PTPRT: variants seen among roughly 807,000 people sequenced by gnomAD.
PTPRT encodes receptor-type tyrosine-protein phosphatase T.
A neutral mutation model predicts 176.8 loss-of-function variants in PTPRT; 56 were observed. That is an observed-to-expected ratio of 0.32 (90% confidence interval 0.26 to 0.40). The LOEUF is 0.40. Among genes scored for constraint, PTPRT ranks in the 10% least tolerant of loss-of-function variants. PTPRT has a pLI of 1.00. For missense variants in PTPRT, 1,540 were observed against 1,908.2 expected, an observed-to-expected ratio of 0.81 and a Z score of 3.60; for synonymous variants, 783 against 739.0, an observed-to-expected ratio of 1.06 and a Z score of -0.96.
At chr20:42,350,258 T>C (rs560499390) in intron 11 of PTPRT, among the ~76,000 whole-genome samples, 110 of 137,188 alleles carry the variant, frequency 8.0e-4, no homozygotes, top group Non-Finnish European at 1.5e-3. Context: ...AGACAGGGTC[T>C]CACTTTGTTG....
chr20:42,589,152 C>T (rs1044358094), intron 7 of PTPRT, among the ~76,000 whole-genome samples: 7 of 152,192 alleles, frequency 4.6e-5, no homozygotes, highest in Non-Finnish European at 1.0e-4. Flanking sequence ...CCCCACTCTC[C>T]AAGCTCTTAC....
At chr20:42,269,380 G>A (rs367629611) in intron 13 of PTPRT, among the ~76,000 whole-genome samples, 9 of 152,282 alleles carry the variant, frequency 5.9e-5, no homozygotes, top group African/African-American at 1.7e-4. Flanking sequence ...TAAACTGACC[G>A]TTCAGGGATT....
chr20:42,577,837 C>CTGTGTGTGTGTGTGTGTGTG (rs11468271), intron 7 of PTPRT, among the ~76,000 whole-genome samples: 14 of 139,428 alleles, frequency 1.0e-4, no homozygotes, highest in African/African-American at 3.5e-4. Context: ...CTGAGCAAGG[C>CTGTGTGTGTGTGTGTGTGTG]TGTGTGTGTG....
chr20:42,592,091 T>G (rs1369387450), intron 7 of PTPRT, among the ~76,000 whole-genome samples: 3 of 149,438 alleles, frequency 2.0e-5, no homozygotes, highest in African/African-American at 7.4e-5. Flanking sequence ...GCCATTCTCC[T>G]GCCTCAGCCT....
chr20:43,088,911 C>T (rs147298677), intron 1 of PTPRT, among the ~76,000 whole-genome samples: 1 of 152,068 alleles, frequency 6.6e-6, no homozygotes, highest in Non-Finnish European at 1.5e-5. Flanking sequence ...GATCCTGACT[C>T]CTATGCAAGT....
In PTPRT at chr20:42,639,170, A is replaced by G. The variant is rs182611265; in HGVS notation, c.1153+38696T>C. Among the ~76,000 whole-genome samples the G allele has an allele frequency of 1.3e-3, 191 of 152,268 alleles. 2 individuals are homozygous for G. The highest frequency in any genetic ancestry group is 4.4e-3 in the African/African-American group (181 of 41,548). On this transcript the variant is annotated intron_variant, in intron 7 of 30. Transcript: ENST00000373187. ...CTACAAGGAGCCTATTTTAGTCACA[A>G]TACAATTTTACCCACTCACAGGTGC... is the stretch of plus-strand genomic sequence containing the variant.
chr20:42,637,807 AT>A (rs1196397527), intron 7 of PTPRT, among the ~76,000 whole-genome samples: 5 of 152,178 alleles, frequency 3.3e-5, no homozygotes, highest in African/African-American at 9.7e-5. Flanking sequence ...GATTGAATAA[AT>A]AATTTTAAGA....
chr20:43,101,017 G>T (rs143801052), intron 1 of PTPRT, among the ~76,000 whole-genome samples: 1,694 of 152,240 alleles, frequency 0.011, 50 homozygotes, highest in African/African-American at 0.039. Flanking sequence ...TCAGATAATA[G>T]GCACGTTTAA....
At chr20:42,991,916 C>T (rs1310818207) in intron 1 of PTPRT, among the ~76,000 whole-genome samples, 1 of 152,126 alleles carries the variant, frequency 6.6e-6, no homozygotes, top group Non-Finnish European at 1.5e-5. Flanking sequence ...CTTAAGACTG[C>T]TAGCAGGTTA....
chr20:43,053,043 T>C (rs536979307), intron 1 of PTPRT, among the ~76,000 whole-genome samples: 2 of 140,648 alleles, frequency 1.4e-5, no homozygotes, highest in East Asian at 4.3e-4. Context: ...TATGATGGAA[T>C]ATGCCTCAGA....
chr20:42,086,915 C>T lies in PTPRT; in HGVS notation c.3847-1062G>A, dbSNP rs2143005. ...TTAATGTCACATGGTGCTGACAGAT[C>T]TTGCCTATGATTCTTTCTATTTATC... is the stretch of plus-strand genomic sequence containing the variant. On this transcript the variant is annotated intron_variant, in intron 27 of 30. Coordinates refer to ENST00000373187, the MANE Select transcript of PTPRT (RefSeq NM_007050.6). Among the ~76,000 whole-genome samples, 36 of 150,444 alleles carry T rather than the reference C, an allele frequency of 2.4e-4. No homozygotes were observed. The South Asian group carries it at 3.2e-3, about 13-fold the overall frequency.
chr20:42,663,272 T>C (rs2075257441), intron 7 of PTPRT, among the ~76,000 whole-genome samples: 1 of 152,132 alleles, frequency 6.6e-6, no homozygotes, highest in East Asian at 1.9e-4. Context: ...AAGACTTTGC[T>C]GCACCTGTGG....
chr20:42,357,988 T>C (rs2058380818), intron 9 of PTPRT, among the ~76,000 whole-genome samples: 1 of 151,316 alleles, frequency 6.6e-6, no homozygotes, highest in Non-Finnish European at 1.5e-5. Flanking sequence ...GACCAAGAAA[T>C]GGTCACAGGT....
intron 1 of PTPRT, among the ~76,000 whole-genome samples, chr20:43,127,364 A>G (rs910108016): frequency 2.0e-5 from 3 of 150,626 alleles, no homozygotes; most frequent in Admixed American, 6.7e-5. Context: ...CGAAGCTTGT[A>G]GTGAGCCGAG....
At chr20:42,057,206 C>T in the PTPRT span, among the ~76,000 whole-genome samples, 1 of 152,202 alleles carries the variant, frequency 6.6e-6, no homozygotes, top group African/African-American at 2.4e-5. Context: ...GAACACTGTC[C>T]TACTTAGCTA....
At chr20:42,350,234 T>TGTTTTG (rs1568799596) in intron 11 of PTPRT, among the ~76,000 whole-genome samples, 11 of 142,376 alleles carry the variant, frequency 7.7e-5, no homozygotes, top group Non-Finnish European at 1.2e-4. Context: ...TTTTTTTTTT[T>TGTTTTG]TTTTTTTTTT....
chr20:42,242,762 TC>T (rs1454923017), intron 14 of PTPRT, among the ~76,000 whole-genome samples: 4 of 152,186 alleles, frequency 2.6e-5, no homozygotes, highest in Non-Finnish European at 5.9e-5. Flanking sequence ...GGAGACAGTA[TC>T]ACTTGACAAA....
intron 8 of PTPRT, among the ~76,000 whole-genome samples, chr20:42,454,934 A>T (rs2070894042): frequency 1.3e-5 from 2 of 152,196 alleles, no homozygotes; most frequent in South Asian, 4.1e-4. Flanking sequence ...AGTGCCAGAG[A>T]GTTAATGCCC....
chr20:42,823,455 A>T (rs1211694639), intron 2 of PTPRT, among the ~76,000 whole-genome samples: 1 of 152,132 alleles, frequency 6.6e-6, no homozygotes, highest in Admixed American at 6.6e-5. Context: ...ACCATGGCAC[A>T]CATATACTCA....
Sources: allele counts gnomAD v4.1 joint callset (sites outside exome capture counted in the v4.1 genomes callset), GRCh38; gene constraint gnomAD v4.1.1; transcripts MANE v1.5; gene names NCBI Gene and HGNC (gene_info 2026-07-23, HGNC 2026-07-21).